Variants in PTPRD observed in about 807,000 individuals in gnomAD.
PTPRD encodes protein tyrosine phosphatase receptor type D, also known as receptor-type tyrosine-protein phosphatase delta.
A neutral mutation model predicts 214.5 loss-of-function variants in PTPRD; 34 were observed. The ratio of observed to expected loss-of-function variants is 0.16; its 90% CI spans 0.12 to 0.21. The LOEUF (loss-of-function observed/expected upper bound fraction) is 0.21. PTPRD is among the 10% of genes least tolerant of loss of function. The pLI is 1.00. For missense variants in PTPRD, 2,545 were observed against 2,398.7 expected (o/e 1.06, Z -1.27); for synonymous variants, 1,128 against 845.7 (o/e 1.33, Z -5.79).
At chr9:9,964,717 GA>G (rs1189100432) in intron 4 of PTPRD, among the ~76,000 whole-genome samples, 3 of 151,902 alleles carry the variant, frequency 2.0e-5, no homozygotes, top group African/African-American at 4.8e-5. Context: ...ATTTCTTTAG[GA>G]AAAAAATACA....
intron 7 of PTPRD, among the ~76,000 whole-genome samples, chr9:9,709,229 TTTTA>T (rs752330956): frequency 4.5e-4 from 68 of 152,006 alleles, no homozygotes; most frequent in Non-Finnish European, 5.9e-4. Flanking sequence ...ACCCCTATAT[TTTTA>T]TTTCTCTTTT....
intron 7 of PTPRD, among the ~76,000 whole-genome samples, chr9:9,730,608 G>A (rs951606374): frequency 6.6e-6 from 1 of 152,046 alleles, no homozygotes; most frequent in Non-Finnish European, 1.5e-5. Flanking sequence ...CTCCAGATCA[G>A]GGTTACTACT....
intron 33 of PTPRD, among the ~76,000 whole-genome samples, chr9:8,459,058 G>A (rs2096299364): frequency 6.6e-6 from 1 of 152,058 alleles, no homozygotes; most frequent in Non-Finnish European, 1.5e-5. Context: ...TTTCAAAAGA[G>A]AAGAGTTTTG....
At chr9:8,396,979 C>T (rs1462183676) in intron 36 of PTPRD, among the ~76,000 whole-genome samples, 1 of 152,102 alleles carries the variant, frequency 6.6e-6, no homozygotes, top group Non-Finnish European at 1.5e-5. Flanking sequence ...TAAACTTCAT[C>T]ACAGTTGCAA....
chr9:8,983,154 C>G (rs1484078191), intron 11 of PTPRD, among the ~76,000 whole-genome samples: 3 of 151,880 alleles, frequency 2.0e-5, no homozygotes, highest in Non-Finnish European at 4.4e-5. Flanking sequence ...TTTCATCACA[C>G]TAGTAATATT....
At chr9:8,721,067 G>T (rs553983380) in intron 12 of PTPRD, among the ~76,000 whole-genome samples, 49 of 149,926 alleles carry the variant, frequency 3.3e-4, no homozygotes, top group African/African-American at 1.1e-3. Flanking sequence ...AATCTGAGAA[G>T]TGAGGAGGAT....
intron 3 of PTPRD, among the ~76,000 whole-genome samples, chr9:10,106,517 T>G (rs543729450): frequency 4.6e-5 from 7 of 151,086 alleles, no homozygotes; most frequent in Middle Eastern, 3.4e-3. Flanking sequence ...GCTGTGAAAG[T>G]GACGGACACA....
intron 11 of PTPRD, among the ~76,000 whole-genome samples, chr9:8,783,235 T>C (rs769932943): frequency 1.3e-5 from 2 of 152,184 alleles, no homozygotes; most frequent in African/African-American, 4.8e-5. Flanking sequence ...TATAAAAAAG[T>C]TGTACATTGA....
intron 8 of PTPRD, among the ~76,000 whole-genome samples, chr9:9,558,627 A>T (rs934050552): frequency 6.6e-6 from 1 of 152,176 alleles, no homozygotes; most frequent in Admixed American, 6.5e-5. Flanking sequence ...TAAACTGCCC[A>T]TCTATTGGCA....
chr9:8,643,244 A>T (rs2096615200), intron 12 of PTPRD, among the ~76,000 whole-genome samples: 1 of 152,176 alleles, frequency 6.6e-6, no homozygotes, highest in African/African-American at 2.4e-5. Flanking sequence ...CTAAATGTTT[A>T]ATATATCTTA....
At chr9:10,082,360 G>A (rs1301055879) in intron 3 of PTPRD, among the ~76,000 whole-genome samples, 1 of 152,098 alleles carries the variant, frequency 6.6e-6, no homozygotes, top group African/African-American at 2.4e-5. Context: ...AAGATGTACA[G>A]CATATCATAA....
chr9:10,290,442 G>A (rs939222653), intron 3 of PTPRD, among the ~76,000 whole-genome samples: 5 of 152,178 alleles, frequency 3.3e-5, no homozygotes, highest in South Asian at 2.1e-4. Flanking sequence ...TTTGCTTTCA[G>A]GATTATGGTA....
Position 9,887,033 on chromosome 9 carries a change from G to A in PTPRD, c.-368+51474C>T, listed in dbSNP as rs527426680. Among the ~76,000 whole-genome samples the A allele has an allele frequency of 1.4e-4, 22 of 151,990 alleles. No individual in the cohort carries two copies. In the East Asian group the frequency reaches 1.9e-3, roughly 13 times the overall value. On this transcript the variant is annotated intron_variant, in intron 5 of 45. Transcript: ENST00000381196. ...AGAGGCCATAAACTTGTTTTTTTCC[G>A]CCACTAAGTTATAAGGAAATTTGTT...
chr9:8,979,346 A>C (rs1014924673), intron 11 of PTPRD, among the ~76,000 whole-genome samples: 1 of 152,082 alleles, frequency 6.6e-6, no homozygotes, highest in Non-Finnish European at 1.5e-5. Flanking sequence ...TTTTTTTTGG[A>C]TATCACACCA....
chr9:9,148,013 T>A (rs1489039848), intron 10 of PTPRD, among the ~76,000 whole-genome samples: 1 of 152,208 alleles, frequency 6.6e-6, no homozygotes, highest in African/African-American at 2.4e-5. Flanking sequence ...GTTTTAGGAA[T>A]GCAATAAGCA....
At chr9:10,453,884 A>G (rs1019786512) in intron 2 of PTPRD, among the ~76,000 whole-genome samples, 16 of 151,660 alleles carry the variant, frequency 1.1e-4, no homozygotes, top group African/African-American at 3.6e-4. Context: ...TAGATATTAG[A>G]AAAAAAGCTT....
chr9:9,346,274 T>C (rs1174575272), intron 9 of PTPRD, among the ~76,000 whole-genome samples: 1 of 152,146 alleles, frequency 6.6e-6, no homozygotes, highest in African/African-American at 2.4e-5. Flanking sequence ...AAGAAAACTG[T>C]ACAGCAAACA....
intron 2 of PTPRD, among the ~76,000 whole-genome samples, chr9:10,359,948 G>C (rs945983666): frequency 3.9e-4 from 60 of 152,266 alleles, no homozygotes; most frequent in Admixed American, 3.9e-3. Context: ...ATGTTGTTTT[G>C]AAAGCTGCAT....
intron 10 of PTPRD, among the ~76,000 whole-genome samples, chr9:9,046,511 AAAG>A (rs1331810197): frequency 6.6e-6 from 1 of 152,208 alleles, no homozygotes; most frequent in East Asian, 1.9e-4. Context: ...AATAGTTTAA[AAAG>A]AAGAGCATTT....
Sources: gnomAD v4.1 joint callset for allele counts (sites outside exome capture counted in the v4.1 genomes callset) on GRCh38, gnomAD v4.1.1 for gene constraint, MANE v1.5 for transcripts, NCBI Gene and HGNC (gene_info 2026-07-23, HGNC 2026-07-21) for gene names.